Variants in SLCO1A2 observed in about 807,000 individuals in gnomAD.
SLCO1A2 encodes the protein solute carrier organic anion transporter family member 1A2.
Under a neutral mutation model 69.0 loss-of-function variants are expected in SLCO1A2, and 67 were observed. The ratio of observed to expected loss-of-function variants is 0.97; its 90% CI spans 0.80 to 1.19. SLCO1A2 has a LOEUF of 1.19. Among genes scored for constraint, SLCO1A2 ranks in the 50% most tolerant of loss-of-function variants. The pLI, the probability that SLCO1A2 is intolerant of heterozygous loss-of-function variation, is 0.00. For synonymous variants in SLCO1A2, 260 were observed against 265.9 expected, an observed-to-expected ratio of 0.98 and a Z score of 0.22; for missense variants, 787 against 793.7, an observed-to-expected ratio of 0.99 and a Z score of 0.10.
chr12:21,383,328 T>G (rs982772950), intron 1 of SLCO1A2, among the ~76,000 whole-genome samples: 6 of 152,198 alleles, frequency 3.9e-5, no homozygotes, highest in African/African-American at 1.2e-4. Flanking sequence ...CAATAAAACC[T>G]TTGCCGACTA....
intron 13 of SLCO1A2, 39 bp downstream of exon 13, chr12:21,275,321 T>A (rs369138502): frequency 1.4e-6 from 2 of 1,469,258 alleles, no homozygotes; most frequent in Non-Finnish European, 1.8e-6. Context: ...AATAATAATA[T>A]TGTTCTGATA....
At chr12:21,341,174 G>A (rs568446309) in intron 2 of SLCO1A2, among the ~76,000 whole-genome samples, 7 of 152,054 alleles carry the variant, frequency 4.6e-5, no homozygotes, top group Admixed American at 3.3e-4. Flanking sequence ...TGGCCCTAGA[G>A]AATCGTAACT....
At chr12:21,384,644 T>G (rs1391789986) in intron 1 of SLCO1A2, among the ~76,000 whole-genome samples, 1 of 152,122 alleles carries the variant, frequency 6.6e-6, no homozygotes, top group East Asian at 1.9e-4. Flanking sequence ...TTTAAGTAGT[T>G]AGAAATCTTA....
chr12:21,302,139 C>A (rs1215746281), intron 6 of SLCO1A2, among the ~76,000 whole-genome samples: 1 of 152,148 alleles, frequency 6.6e-6, no homozygotes, highest in Non-Finnish European at 1.5e-5. Flanking sequence ...TCTACAAAAT[C>A]TCAAATCCAC....
intron 2 of SLCO1A2, among the ~76,000 whole-genome samples, chr12:21,339,975 C>T (rs1187679444): frequency 1.3e-5 from 2 of 151,870 alleles, no homozygotes; most frequent in African/African-American, 4.8e-5. Flanking sequence ...GGTATATAAA[C>T]ATATAATATA....
intron 12 of SLCO1A2, among the ~76,000 whole-genome samples, chr12:21,277,492 C>A (rs1028492349): frequency 4.7e-5 from 6 of 128,226 alleles, no homozygotes; most frequent in Non-Finnish European, 1.0e-4. Flanking sequence ...TGGTGAGAGA[C>A]TCTCTGTTTG....
At chr12:21,378,596 C>A in intron 1 of SLCO1A2, 2 of 538,570 alleles carry the variant, frequency 3.7e-6, no homozygotes, top group South Asian at 3.0e-5. Flanking sequence ...AACTAAGGTC[C>A]CATAATAAAA....
intron 1 of SLCO1A2, chr12:21,378,802 C>T (rs766951157): frequency 1.5e-4 from 28 of 182,940 alleles, no homozygotes; most frequent in African/African-American, 6.4e-4. Flanking sequence ...TTGGACCAGG[C>T]GCGGTGGCTC....
intron 1 of SLCO1A2, among the ~76,000 whole-genome samples, chr12:21,416,876 G>T (rs1027254924): frequency 1.3e-5 from 2 of 152,124 alleles, no homozygotes; most frequent in African/African-American, 4.8e-5. Context: ...CAGCAAAAAT[G>T]GGGAGCAACA....
chr12:21,289,555 T>C (rs1946503437), intron 12 of SLCO1A2, among the ~76,000 whole-genome samples: 1 of 152,158 alleles, frequency 6.6e-6, no homozygotes, highest in Non-Finnish European at 1.5e-5. Flanking sequence ...GATGAGCTTC[T>C]GAGTTGGTAA....
chr12:21,381,063 T>C (rs2137122937), intron 1 of SLCO1A2, among the ~76,000 whole-genome samples: 1 of 152,150 alleles, frequency 6.6e-6, no homozygotes, highest in African/African-American at 2.4e-5. Context: ...TCTCAGAAGT[T>C]GGGTGAGTGG....
At chr12:21,274,837 C>T in intron 13 of SLCO1A2, 2 of 802,160 alleles carry the variant, frequency 2.5e-6, no homozygotes, top group Non-Finnish European at 3.3e-6. Context: ...AGATTCTGAA[C>T]TTTATATATT....
chr12:21,350,905 T>A (rs1937902829), intron 2 of SLCO1A2, among the ~76,000 whole-genome samples: 1 of 151,804 alleles, frequency 6.6e-6, no homozygotes, highest in African/African-American at 2.4e-5. Context: ...TGATTTTTAT[T>A]TTAATAGTTT....
intron 3 of SLCO1A2, among the ~76,000 whole-genome samples, chr12:21,318,336 G>C (rs1413598926): frequency 6.6e-6 from 1 of 151,994 alleles, no homozygotes; most frequent in Non-Finnish European, 1.5e-5. Flanking sequence ...AGCCAGGATG[G>C]TCTCGATCTC....
At chr12:21,270,829 A>G (rs1292629079) in intron 14 of SLCO1A2, among the ~76,000 whole-genome samples, 2 of 149,168 alleles carry the variant, frequency 1.3e-5, no homozygotes, top group Non-Finnish European at 3.0e-5. Context: ...TTCATCCTTA[A>G]TGATGTTTTA....
intron 14 of SLCO1A2, among the ~76,000 whole-genome samples, chr12:21,273,700 G>A (rs559441511): frequency 2.0e-5 from 3 of 152,218 alleles, no homozygotes; most frequent in African/African-American, 7.2e-5. Context: ...GCTTCCCTCA[G>A]CATCACTCCT....
rs1938427799 is a variant in SLCO1A2, at chr12:21,357,093, T to C, written c.-63+17306A>G. ...ATAAAAACAAACAAACACTATAGAA[T>C]GTCCAGAAAACCTTTATGGGTTGAA... On this transcript the variant is annotated intron_variant, in intron 2 of 15. Transcript: ENST00000307378. 2.0e-5 allele frequency among the ~76,000 whole-genome samples: 3 copies of C among 152,278 alleles called. No homozygotes were observed. In the South Asian group the frequency reaches 6.2e-4, roughly 32 times the overall value.
At chr12:21,366,459 G>A (rs2045943) in intron 2 of SLCO1A2, among the ~76,000 whole-genome samples, 48,881 of 151,580 alleles carry the variant, frequency 0.32, 8,137 homozygotes, top group East Asian at 0.46. Flanking sequence ...ACGAGTTGAC[G>A]GGTGCAGCAC....
At chr12:21,282,497 A>G (rs567558899) in intron 12 of SLCO1A2, among the ~76,000 whole-genome samples, 2 of 152,280 alleles carry the variant, frequency 1.3e-5, no homozygotes, top group South Asian at 4.1e-4. Flanking sequence ...TGAGTGGGGA[A>G]AAACTGAAAG....
Sources: gnomAD v4.1 joint callset for allele counts (sites outside exome capture counted in the v4.1 genomes callset) on GRCh38, gnomAD v4.1.1 for gene constraint, MANE v1.5 for transcripts, NCBI Gene and HGNC (gene_info 2026-07-23, HGNC 2026-07-21) for gene names.